The following PLXNB1 variants were observed in gnomAD, a reference collection of about 807,000 sequenced individuals.
PLXNB1 encodes the protein plexin-B1.
In PLXNB1, 106 loss-of-function variants were observed where a neutral mutation model predicts 209.4. The ratio of observed to expected loss-of-function variants is 0.51; its 90% CI spans 0.43 to 0.59. PLXNB1 has a LOEUF of 0.59. PLXNB1 is among the 20% of genes least tolerant of loss of function. PLXNB1 has a pLI of 0.00. For missense variants in PLXNB1, 2,357 were observed against 2,853.2 expected, an observed-to-expected ratio of 0.83 and a Z score of 3.96; for synonymous variants, 1,167 against 1,183.2, an observed-to-expected ratio of 0.99 and a Z score of 0.28.
At position 48,420,888 on chromosome 3, in the gene PLXNB1, AG is replaced by A. The variant is rs2038467650; in HGVS notation, c.1878del (p.Tyr627MetfsTer19). The A allele has an allele frequency of 6.2e-7, 1 of 1,614,024 alleles. No individual in the cohort carries two copies. Among genetic ancestry groups the A allele is most frequent in the Admixed American group, 1.7e-5 (1 of 60,008 alleles). ...AGTTCAGTGACCGCCACACAGTCAT[AG>A]AAAGAGAGGGAAGTTTTGGCGATCA... ...AVVIAKTSLS[F>X]YDCVAVTELR... On this transcript the variant is annotated frameshift_variant, in exon 9 of 38. Coordinates refer to ENST00000296440, the MANE Select transcript of PLXNB1 (RefSeq NM_001130082.3). LOFTEE classifies it high-confidence loss of function.
At position 48,416,343 on chromosome 3, in the gene PLXNB1, T is replaced by C. The variant is rs368994817; in HGVS notation, c.3480+3A>G. ...AGCTGGGGGTGGCTCAGCAGTCAGG[T>C]ACCTGGTAGGCAAAGTCGTGTTCTG... On this transcript the variant is annotated splice_donor_region_variant and intron_variant, in intron 17 of 37. Coordinates refer to ENST00000296440, the MANE Select transcript of PLXNB1 (RefSeq NM_001130082.3). This position sits in a 1 kb window ranked among gnomAD's most constrained non-coding sequence, Gnocchi z 4.1. 1.0e-4 allele frequency: 167 copies of C among 1,609,000 alleles called. No individual in the cohort carries two copies. In the African/African-American group the frequency reaches 1.9e-3, roughly 19 times the overall value.
chr3:48,417,359 C>T lies in PLXNB1; in HGVS notation c.3374+552G>A, dbSNP rs1385208985. Among the ~76,000 whole-genome samples, 3 of 152,218 alleles carry T rather than the reference C, an allele frequency of 2.0e-5. No homozygotes were observed. The highest frequency in any genetic ancestry group is 7.2e-5 in the African/African-American group (3 of 41,446). The stretch of plus-strand genomic sequence containing the variant: ...TGGACATCTCCTTAGGAATGTCCTG[C>T]GTGTGTACCTTTGGGGCCTGCAACC... On this transcript the variant is annotated intron_variant, in intron 16 of 37. Coordinates refer to ENST00000296440, the MANE Select transcript of PLXNB1 (RefSeq NM_001130082.3). This position sits in a 1 kb window ranked among gnomAD's most constrained non-coding sequence, Gnocchi z 4.4.
At chr3:48,428,847 T>A (rs1575417494) in intron 1 of PLXNB1, among the ~76,000 whole-genome samples, 1 of 96,154 alleles carries the variant, frequency 1.0e-5, no homozygotes, top group African/African-American at 4.1e-5. Context: ...AGGCTCGAGG[T>A]CCGCCTTTGT....
At chr3:48,421,205 G>T in intron 8 of PLXNB1, 23 bp downstream of exon 8, 4 of 1,610,350 alleles carry the variant, frequency 2.5e-6, no homozygotes, top group Non-Finnish European at 3.4e-6. Context: ...GCCCCCACCA[G>T]GCTGGCCCAT....
intron 2 of PLXNB1, 136 bp downstream of exon 2, chr3:48,425,145 C>T: frequency 6.4e-6 from 1 of 155,974 alleles, no homozygotes; most frequent in East Asian, 1.9e-4. Context: ...AACCACAGAA[C>T]CAACAGGCCT....
chr3:48,427,959 G>GAAACA (rs2038982549), intron 1 of PLXNB1, among the ~76,000 whole-genome samples: 1 of 152,212 alleles, frequency 6.6e-6, no homozygotes, highest in African/African-American at 2.4e-5. Context: ...ATGAAACAGT[G>GAAACA]TGTGCCTGGC....
chr3:48,416,720 T>C lies in PLXNB1; in HGVS notation c.3375-269A>G, dbSNP rs1370059202. Reference sequence around the variant, plus strand: ...GAAGAATTTATCTGTGGCATAAATTTACAAAGGGGCCCTGTCAGCCTGGTT... The same window carrying C: ...GAAGAATTTATCTGTGGCATAAATTCACAAAGGGGCCCTGTCAGCCTGGTT... On this transcript the variant is annotated intron_variant, in intron 16 of 37. Transcript: ENST00000296440. The surrounding 1 kb of genome is among the most constrained non-coding windows in gnomAD (Gnocchi z 4.1). 1.2e-5 allele frequency: 4 copies of C among 322,772 alleles called. No homozygotes were observed. The highest frequency in any genetic ancestry group is 6.5e-5 in the African/African-American group (3 of 46,386). The allele number at this position is 322,772 out of a possible 1,614,324, so 20.0% of individuals were successfully genotyped here.
At position 48,411,911 on chromosome 3, in the gene PLXNB1, G is replaced by A. The variant is rs2037708332; in HGVS notation, c.5199C>T (p.Thr1733=). Residue 1733 remains threonine, a synonymous_variant, in exon 28 of 38, where the codon ACC becomes ACT. Coordinates refer to ENST00000296440, the MANE Select transcript of PLXNB1 (RefSeq NM_001130082.3). The surrounding 1 kb of genome is among the most constrained non-coding windows in gnomAD (Gnocchi z 4.0). ...CTCTGAGCAGGCGGTTGTCGTTCAA[G>A]GTGTATTTGGCCTTGCCTGTCACAC... ...VDSVTGKAKY[T]LNDNRLLRED... 11 of 1,614,036 alleles carry A rather than the reference G, an allele frequency of 6.8e-6. No homozygotes were observed. Among genetic ancestry groups the A allele is most frequent in the Non-Finnish European group, 8.5e-6 (10 of 1,180,034 alleles).
In PLXNB1 at chr3:48,407,050, G is replaced by T. The variant is rs79109532; in HGVS notation, c.6129C>A (p.Pro2043=). 6.2e-7 allele frequency: 1 copy of T among 1,614,124 alleles called. No individual in the cohort carries two copies. The highest frequency in any genetic ancestry group is 8.5e-7 in the Non-Finnish European group (1 of 1,180,010). The change falls in exon 35 of 38, where the codon CCC becomes CCA. Residue 2043 remains proline, a synonymous_variant. Coordinates refer to ENST00000296440, the MANE Select transcript of PLXNB1 (RefSeq NM_001130082.3). ...INKLLYARDI[P]RYKRMVERYY... is the part of the protein sequence containing the mutation. ...ACCTTTCCACCATCCGCTTGTACCG[G>T]GGAATGTCCCGTGCATACAGAAGTT...
In PLXNB1 at chr3:48,423,567, C is replaced by T; in HGVS notation, c.1045G>A (p.Asp349Asn). The change falls in exon 3 of 38, where the codon GAT (aspartate) becomes AAT (asparagine). Residue 349 changes from aspartate (D) to asparagine (N), a missense_variant. Asp to Asn is a conservative substitution (Grantham distance 23, BLOSUM62 1). This residue lies in a region of PLXNB1 where 404 missense variants were observed against 443.6 expected (regional missense o/e 0.91). Coordinates refer to ENST00000296440, the MANE Select transcript of PLXNB1 (RefSeq NM_001130082.3). Reference protein sequence around the residue: ...ACYTREGRAEDGTEVAYIEYD... With the variant: ...ACYTREGRAENGTEVAYIEYD... Reference sequence around the variant, plus strand: ...TCGATGTAGGCCACCTCGGTCCCATCCTCAGCACGACCCTCCCGGGTGTAG... The same window carrying T: ...TCGATGTAGGCCACCTCGGTCCCATTCTCAGCACGACCCTCCCGGGTGTAG... The T allele has an allele frequency of 6.2e-7, 1 of 1,614,208 alleles. No homozygotes were observed. Among genetic ancestry groups the T allele is most frequent in the Non-Finnish European group, 8.5e-7 (1 of 1,180,036 alleles).
In PLXNB1 at chr3:48,413,573, CAGAG is replaced by C. The variant is rs1330336033; in HGVS notation, c.4535+93_4535+96del. On this transcript the variant is annotated intron_variant, in intron 23 of 37. Transcript: ENST00000296440. The surrounding 1 kb of genome is among the most constrained non-coding windows in gnomAD (Gnocchi z 5.4). ...AAAATATTTACTCTCTGGCCATTTA[CAGAG>C]AATGTTTCCTGACTCCTGGCCCGGT... is the stretch of plus-strand genomic sequence containing the variant. 14 of 1,281,818 alleles carry C rather than the reference CAGAG, an allele frequency of 1.1e-5. No homozygotes were observed. The East Asian group carries it at 1.7e-4, about 16-fold the overall frequency. 79.4% of individuals were successfully genotyped at this position (1,281,818 alleles called of 1,614,324 possible).
rs1446094005 is a variant in PLXNB1, at chr3:48,418,144, C to T, written c.3222+47G>A. ...CCCACCTTTGGGCCCCCACACCCTC[C>T]CTCTAAGGGCAGCACTGAGGAAGGG... On this transcript the variant is annotated intron_variant, in intron 15 of 37. Coordinates refer to ENST00000296440, the MANE Select transcript of PLXNB1 (RefSeq NM_001130082.3). The surrounding 1 kb of genome is among the most constrained non-coding windows in gnomAD (Gnocchi z 6.6). The T allele has an allele frequency of 1.2e-6, 2 of 1,609,320 alleles. No homozygotes were observed. The highest frequency in any genetic ancestry group is 2.2e-5 in the East Asian group (1 of 44,766).
rs2039090541 is a variant in PLXNB1 at position 48,429,656 on chromosome 3, G to C, written c.-60+352C>G. On this transcript the variant is annotated intron_variant, in intron 1 of 37. Coordinates refer to ENST00000296440, the MANE Select transcript of PLXNB1 (RefSeq NM_001130082.3). This position sits in a 1 kb window ranked among gnomAD's most constrained non-coding sequence, Gnocchi z 6.4. ...CTCCCGCACGGGGGAGGGCGGGGGC[G>C]GGCTGCACCGCGGCGGTCGCCATGG... is the stretch of plus-strand genomic sequence containing the variant. Among the ~76,000 whole-genome samples, 1 of 151,928 alleles carries C rather than the reference G, an allele frequency of 6.6e-6. No homozygotes were observed. Among genetic ancestry groups the C allele is most frequent in the Admixed American group, 6.5e-5 (1 of 15,268 alleles).
chr3:48,405,185 C>T lies in PLXNB1; in HGVS notation c.6303+539G>A, dbSNP rs1040386845. Among the ~76,000 whole-genome samples the T allele has an allele frequency of 6.6e-6, 1 of 152,194 alleles. No homozygotes were observed. On this transcript the variant is annotated intron_variant, in intron 37 of 37. Transcript: ENST00000296440. The surrounding 1 kb of genome is among the most constrained non-coding windows in gnomAD (Gnocchi z 5.0). ...AGACAGGTTCCTCATCTCTGAGCAG[C>T]AATAGCCATGTCACTGGTGCCACAC...
chr3:48,405,897 C>T lies in PLXNB1; in HGVS notation c.6229-99G>A. The T allele has an allele frequency of 3.3e-6, 3 of 906,272 alleles. No homozygotes were observed. Among genetic ancestry groups the T allele is most frequent in the Non-Finnish European group, 5.3e-6 (3 of 563,232 alleles). 56.1% of individuals were successfully genotyped at this position (906,272 alleles called of 1,614,324 possible). A position where few individuals can be genotyped will look rare whatever the true frequency, so the allele number is the denominator to read the frequency against. Reference sequence around the variant, plus strand: ...AGGGAAGGGCTGGGGGAGAAGGGGACCTGAGAGGTAGAGAATGGGATGGGC... The same window carrying T: ...AGGGAAGGGCTGGGGGAGAAGGGGATCTGAGAGGTAGAGAATGGGATGGGC... On this transcript the variant is annotated intron_variant, in intron 36 of 37. Coordinates refer to ENST00000296440, the MANE Select transcript of PLXNB1 (RefSeq NM_001130082.3). This position sits in a 1 kb window ranked among gnomAD's most constrained non-coding sequence, Gnocchi z 5.0.
Position 48,423,996 on chromosome 3 carries a change from G to C in PLXNB1, c.616C>G (p.Leu206Val), listed in dbSNP as rs1194791587. ...TACTCGGAGAGGCGGCCCACTGCCAGCTTGGCTGTCTCCTCATAGGAGAAG... is the reference window on the plus strand; with the variant it reads ...TACTCGGAGAGGCGGCCCACTGCCACCTTGGCTGTCTCCTCATAGGAGAAG... ...AAFSYEETAK[L>V]AVGRLSEYSH... The change falls in exon 3 of 38, where the codon CTG becomes GTG. Residue 206 changes from leucine (L) to valine (V), a missense_variant. Leu to Val is a conservative substitution (Grantham distance 32, BLOSUM62 1). Transcript: ENST00000296440. The C allele has an allele frequency of 1.9e-6, 3 of 1,613,002 alleles. No homozygotes were observed. Among genetic ancestry groups the C allele is most frequent in the East Asian group, 2.2e-5 (1 of 44,878 alleles).
chr3:48,422,281 C>T, intron 5 of PLXNB1, 50 bp downstream of exon 5: 1 of 1,610,758 alleles, frequency 6.2e-7, no homozygotes, highest in East Asian at 2.2e-5. Flanking sequence ...CCTGGCCCCA[C>T]CCAGAGGCCC....
At position 48,404,220 on chromosome 3, in the gene PLXNB1, C is replaced by G; in HGVS notation, c.*266G>C. The G allele has an allele frequency of 6.4e-6, 3 of 469,962 alleles. No individual in the cohort carries two copies. The highest frequency in any genetic ancestry group is 3.5e-5 in the East Asian group (1 of 28,186). The allele number at this position is 469,962 out of a possible 1,614,324, so 29.1% of individuals were successfully genotyped here. On this transcript the variant is annotated 3_prime_UTR_variant, in exon 38 of 38. Transcript: ENST00000296440. ...CTCTTCCAGCCACTCTCTGGAAGCC[C>G]TTAGTCCCCAACTCCCTGCAGACCG...
Position 48,410,709 on chromosome 3 carries a change from A to G in PLXNB1, c.5417-151T>C. On this transcript the variant is annotated intron_variant, in intron 29 of 37. Transcript: ENST00000296440. The surrounding 1 kb of genome is among the most constrained non-coding windows in gnomAD (Gnocchi z 6.4). Reference sequence around the variant, plus strand: ...GACCAAGAGCAGGGACCCCCTCCCCAGATGAGAGGCTGTCCAAGAAAGATG... The same window carrying G: ...GACCAAGAGCAGGGACCCCCTCCCCGGATGAGAGGCTGTCCAAGAAAGATG... 1.1e-6 allele frequency: 1 copy of G among 937,088 alleles called. No individual in the cohort carries two copies. The highest frequency in any genetic ancestry group is 1.6e-5 in the South Asian group (1 of 61,812). 58.0% of individuals were successfully genotyped at this position (937,088 alleles called of 1,614,324 possible).
Sources: allele counts gnomAD v4.1 joint callset (sites outside exome capture counted in the v4.1 genomes callset), GRCh38; gene constraint gnomAD v4.1.1; regional missense constraint gnomAD v4.1.1; non-coding constraint Gnocchi (gnomAD v3.1); transcripts MANE v1.5; gene names NCBI Gene and HGNC (gene_info 2026-07-23, HGNC 2026-07-21).